The following AMD1 variants were observed in gnomAD, a reference collection of about 807,000 sequenced individuals.
AMD1 encodes the protein S-adenosylmethionine decarboxylase proenzyme.
Under a neutral mutation model 40.2 loss-of-function variants are expected in AMD1, and 11 were observed. The ratio of observed to expected loss-of-function variants is 0.27; its 90% CI spans 0.17 to 0.45. AMD1 has a LOEUF of 0.45. AMD1 is among the 20% of genes least tolerant of loss of function. AMD1 has a pLI of 1.00. For missense variants in AMD1, 257 were observed against 410.2 expected, an observed-to-expected ratio of 0.63 and a Z score of 3.23; for synonymous variants, 121 against 130.8, an observed-to-expected ratio of 0.93 and a Z score of 0.51.
chr6:110,875,129 A>T lies in AMD1; in HGVS notation c.24A>T (p.Glu8Asp). ...TGATGGAAGCTGCACATTTTTTCGA[A>T]GGGACCGAGAAGCTGCTGGAGGTTT... MEAAHFF[E>D]GTEKLLEVWF... The change falls in exon 1 of 9, where the codon GAA (glutamate) becomes GAT (aspartate). Residue 8 changes from glutamate to aspartate, a missense_variant. Glu to Asp is a conservative substitution (Grantham distance 45, BLOSUM62 2). Transcript: ENST00000368885. 1 of 1,613,466 alleles carries T rather than the reference A, an allele frequency of 6.2e-7. No individual in the cohort carries two copies. The highest frequency in any genetic ancestry group is 8.5e-7 in the Non-Finnish European group (1 of 1,179,774).
chr6:110,816,918 TA>T, the AMD1 span, among the ~76,000 whole-genome samples: 1 of 152,164 alleles, frequency 6.6e-6, no homozygotes. Flanking sequence ...GGATGTAATA[TA>T]AGTGTCAAAC....
chr6:110,875,337 G>T lies in AMD1; in HGVS notation c.110+122G>T, dbSNP rs989076615. 22 of 822,138 alleles carry T rather than the reference G, an allele frequency of 2.7e-5. No individual in the cohort carries two copies. In the African/African-American group the frequency reaches 3.4e-4, roughly 13 times the overall value. The allele number at this position is 822,138 out of a possible 1,614,324, so 50.9% of individuals were successfully genotyped here. On this transcript the variant is annotated intron_variant, in intron 1 of 8. Transcript: ENST00000368885. The stretch of plus-strand genomic sequence containing the variant: ...AGTTGGGGGCAAGTCTGCGGCCTGG[G>T]GTCGCTTCGGCGGCCTTGGAAGGTG...
the AMD1 span, among the ~76,000 whole-genome samples, chr6:110,837,734 AAAAAAAAAAAAATATATATATAT>A: frequency 3.7e-5 from 4 of 109,202 alleles, no homozygotes; most frequent in African/African-American, 7.7e-5. Context: ...AAAAAAAAAA[AAAAAAAAAAAAATATATATATAT>A]ATATATATAT....
intron 3 of AMD1, 149 bp from the exon 4 acceptor site, chr6:110,890,105 G>C: frequency 1.7e-6 from 1 of 589,966 alleles, no homozygotes; most frequent in South Asian, 2.2e-5. Context: ...CGAGACTACA[G>C]GCATATGCTA....
At chr6:110,831,063 A>G in the AMD1 span, among the ~76,000 whole-genome samples, 1 of 151,806 alleles carries the variant, frequency 6.6e-6, no homozygotes, top group African/African-American at 2.4e-5. Flanking sequence ...TTTCTCTGAT[A>G]TTTACTTTCT....
chr6:110,835,442 G>A, the AMD1 span, among the ~76,000 whole-genome samples: 59 of 152,298 alleles, frequency 3.9e-4, no homozygotes, highest in African/African-American at 1.3e-3. Context: ...TTTAAAATCC[G>A]TTGGTCTATC....
intron 1 of AMD1, among the ~76,000 whole-genome samples, chr6:110,885,199 C>T (rs983201373): frequency 5.9e-5 from 9 of 152,150 alleles, no homozygotes; most frequent in Non-Finnish European, 1.3e-4. Flanking sequence ...TCACTGCAAT[C>T]TCCATCTCCC....
At chr6:110,873,825 C>T (rs1784965008), upstream of AMD1, among the ~76,000 whole-genome samples, 1 of 152,170 alleles carries the variant, frequency 6.6e-6, no homozygotes, top group Admixed American at 6.5e-5. Flanking sequence ...CAGGTAAATC[C>T]TTCTTAAGCA....
chr6:110,838,159 C>T, the AMD1 span, among the ~76,000 whole-genome samples: 305 of 149,512 alleles, frequency 2.0e-3, 2 homozygotes, highest in African/African-American at 7.3e-3. Flanking sequence ...GAGGCCGAGG[C>T]GGGTGGATTA....
the AMD1 span, among the ~76,000 whole-genome samples, chr6:110,843,761 GTT>G: frequency 1.3e-5 from 2 of 151,460 alleles, no homozygotes; most frequent in Non-Finnish European, 2.9e-5. Flanking sequence ...AATTTTTGTA[GTT>G]TTTTTTGTAC....
the AMD1 span, among the ~76,000 whole-genome samples, chr6:110,834,256 T>A: frequency 6.6e-6 from 1 of 152,114 alleles, no homozygotes; most frequent in African/African-American, 2.4e-5. Context: ...GGAGGATCGC[T>A]TGTGCCCCGG....
At chr6:110,848,639 C>A in the AMD1 span, 1 of 561,866 alleles carries the variant, frequency 1.8e-6, no homozygotes, top group Non-Finnish European at 2.9e-6. Flanking sequence ...ACTCATTGTT[C>A]AGTATGAGTT....
the AMD1 span, chr6:110,848,804 C>T: frequency 3.3e-5 from 7 of 212,588 alleles, no homozygotes; most frequent in South Asian, 2.7e-4. Flanking sequence ...GAGTTCAAGA[C>T]GAGCCTGGGC....
the AMD1 span, among the ~76,000 whole-genome samples, chr6:110,843,284 G>C: frequency 6.6e-6 from 1 of 151,536 alleles, no homozygotes; most frequent in East Asian, 1.9e-4. Context: ...CCAACATGGA[G>C]AAACCCACCT....
At chr6:110,869,266 G>A in the AMD1 span, among the ~76,000 whole-genome samples, 1 of 151,672 alleles carries the variant, frequency 6.6e-6, no homozygotes, top group Non-Finnish European at 1.5e-5. Flanking sequence ...AAGTAGCTGG[G>A]ACTACAGGAG....
the AMD1 span, among the ~76,000 whole-genome samples, chr6:110,845,237 C>T: frequency 6.6e-6 from 1 of 151,950 alleles, no homozygotes; most frequent in Admixed American, 6.6e-5. Flanking sequence ...CGGGGTTTCA[C>T]CATGTTGGCC....
the AMD1 span, among the ~76,000 whole-genome samples, chr6:110,823,436 ATC>A: frequency 6.6e-6 from 1 of 152,196 alleles, no homozygotes; most frequent in African/African-American, 2.4e-5. Context: ...AAGTCAGACT[ATC>A]TCTGTTTGCT....
chr6:110,877,320 G>C (rs377744788), intron 1 of AMD1, among the ~76,000 whole-genome samples: 12 of 152,350 alleles, frequency 7.9e-5, no homozygotes, highest in African/African-American at 2.9e-4. Flanking sequence ...AACCTTCGTT[G>C]GAACATTTTT....
At chr6:110,847,807 G>T in the AMD1 span, among the ~76,000 whole-genome samples, 1 of 151,314 alleles carries the variant, frequency 6.6e-6, no homozygotes, top group Admixed American at 6.6e-5. Context: ...CACCTCCCCG[G>T]CTCGAGCAAT....
Sources: gnomAD v4.1 joint callset for allele counts (sites outside exome capture counted in the v4.1 genomes callset) on GRCh38, gnomAD v4.1.1 for gene constraint, MANE v1.5 for transcripts, NCBI Gene and HGNC (gene_info 2026-07-23, HGNC 2026-07-21) for gene names.